Variants in NFIB observed in about 807,000 individuals in gnomAD.
The protein encoded by NFIB is nuclear factor I B, also known as nuclear factor 1 B-type.
NFIB carries 11 observed loss-of-function variants against 61.5 expected under a neutral mutation model. The observed-to-expected ratio is 0.18, with a 90% CI of 0.11 to 0.30. The LOEUF (loss-of-function observed/expected upper bound fraction) is 0.30, where lower values mean the gene tolerates loss of function less well. Among genes scored for constraint, NFIB ranks in the 10% least tolerant of loss-of-function variants. The probability of loss-of-function intolerance (pLI) is 1.00; values close to 1 mark genes in which losing one functional copy is unlikely to be tolerated. For missense variants in NFIB, 471 were observed against 608.9 expected (o/e 0.77, Z 2.38); for synonymous variants, 260 against 216.5 (o/e 1.20, Z -1.76).
the NFIB span, among the ~76,000 whole-genome samples, chr9:14,491,318 T>C: frequency 6.6e-6 from 1 of 151,996 alleles, no homozygotes; most frequent in East Asian, 1.9e-4. Context: ...AGAAACAGAT[T>C]TGAACTAGAT....
the NFIB span, among the ~76,000 whole-genome samples, chr9:14,464,424 G>A: frequency 5.3e-5 from 8 of 152,106 alleles, no homozygotes; most frequent in African/African-American, 1.7e-4. Context: ...AAACCTAGAC[G>A]GTGCACATTT....
At chr9:14,322,087 A>C in intron 1 of NFIB, 1 of 1,020,108 alleles carries the variant, frequency 9.8e-7, no homozygotes, top group Non-Finnish European at 1.2e-6. Flanking sequence ...AAAAAAAAAA[A>C]AAAAAAAAAA....
At position 14,237,841 on chromosome 9, in the gene NFIB, CAG is replaced by C. The variant is rs1491180769; in HGVS notation, c.563-58063_563-58062del. Among the ~76,000 whole-genome samples the C allele has an allele frequency of 6.6e-3, 171 of 26,026 alleles. 22 individuals are homozygous for C. The highest frequency in any genetic ancestry group is 0.02 in the South Asian group (13 of 646). 17.1% of individuals were successfully genotyped at this position (26,026 alleles called of 152,430 possible). ...AAGCTCCTCACCCTGCTAGGTATAA[CAG>C]TGTGTGTGTGTGTGTGTGTGTGTGT... On this transcript the variant is annotated intron_variant, in intron 2 of 10. Transcript: ENST00000380953.
the NFIB span, among the ~76,000 whole-genome samples, chr9:14,475,262 G>C: frequency 1.3e-5 from 2 of 152,212 alleles, no homozygotes; most frequent in Admixed American, 1.3e-4. Flanking sequence ...GGGAGTGGTA[G>C]AGCTCAGATT....
chr9:14,278,472 T>C (rs773330698), intron 2 of NFIB, among the ~76,000 whole-genome samples: 6 of 152,038 alleles, frequency 3.9e-5, no homozygotes, highest in Non-Finnish European at 8.8e-5. Context: ...GTCTGAAACA[T>C]GTGGAAATCA....
intron 1 of NFIB, among the ~76,000 whole-genome samples, chr9:14,376,013 C>T (rs531880697): frequency 6.6e-6 from 1 of 152,312 alleles, no homozygotes; most frequent in East Asian, 1.9e-4. Context: ...TACTTTCACA[C>T]ATCACTGATT....
intron 2 of NFIB, among the ~76,000 whole-genome samples, chr9:14,198,546 G>C (rs1019908151): frequency 3.3e-5 from 5 of 152,078 alleles, no homozygotes; most frequent in African/African-American, 1.2e-4. Flanking sequence ...AATGCTACTT[G>C]CCTTATTGTC....
At chr9:14,141,179 A>G (rs2041659988) in intron 6 of NFIB, among the ~76,000 whole-genome samples, 1 of 152,234 alleles carries the variant, frequency 6.6e-6, no homozygotes, top group Admixed American at 6.5e-5. Flanking sequence ...TATTTTCAAA[A>G]TTATCAAAAA....
At chr9:14,329,575 C>CGCAACCTCGGCTCACT (rs2060796277) in intron 1 of NFIB, among the ~76,000 whole-genome samples, 1 of 151,882 alleles carries the variant, frequency 6.6e-6, no homozygotes, top group Non-Finnish European at 1.5e-5. Context: ...AGTGCAGTGG[C>CGCAACCTCGGCTCACT]GCAACCTCGG....
intron 3 of NFIB, among the ~76,000 whole-genome samples, chr9:14,166,081 T>C (rs979125793): frequency 6.6e-6 from 1 of 152,232 alleles, no homozygotes; most frequent in African/African-American, 2.4e-5. Context: ...TGTTTACATA[T>C]ATTCAAGAAC....
intron 2 of NFIB, among the ~76,000 whole-genome samples, chr9:14,249,691 G>C (rs1304941789): frequency 5.3e-5 from 8 of 151,980 alleles, no homozygotes; most frequent in Admixed American, 3.9e-4. Context: ...GGAGGGAGGG[G>C]AGAAGAAGAG....
chr9:14,243,047 G>A (rs886838528), intron 2 of NFIB, among the ~76,000 whole-genome samples: 3 of 152,056 alleles, frequency 2.0e-5, no homozygotes, highest in Admixed American at 6.6e-5. Flanking sequence ...ACAGTATGTC[G>A]GTAAGGAAAC....
intron 3 of NFIB, among the ~76,000 whole-genome samples, chr9:14,159,360 G>C (rs1487021258): frequency 6.6e-6 from 1 of 152,182 alleles, no homozygotes; most frequent in Non-Finnish European, 1.5e-5. Context: ...GAACTTCTTT[G>C]GAACCTACTG....
chr9:14,206,713 A>C (rs944275636), intron 2 of NFIB, among the ~76,000 whole-genome samples: 6 of 143,556 alleles, frequency 4.2e-5, no homozygotes, highest in Non-Finnish European at 7.6e-5. Flanking sequence ...AAAAAAAAAA[A>C]AAAAAAAACC....
At chr9:14,465,564 T>A in the NFIB span, among the ~76,000 whole-genome samples, 1 of 128,958 alleles carries the variant, frequency 7.8e-6, no homozygotes, top group Non-Finnish European at 1.6e-5. Context: ...ATGAATGAAA[T>A]GACTTGTTAC....
At chr9:14,474,677 A>G in the NFIB span, among the ~76,000 whole-genome samples, 3 of 152,192 alleles carry the variant, frequency 2.0e-5, no homozygotes, top group African/African-American at 7.2e-5. Context: ...GTTAAACAAA[A>G]CGAGTTATGC....
chr9:14,370,760 C>A (rs937389037), intron 1 of NFIB, among the ~76,000 whole-genome samples: 1 of 152,196 alleles, frequency 6.6e-6, no homozygotes, highest in Non-Finnish European at 1.5e-5. Flanking sequence ...GCTTTTTTGA[C>A]CCCTGCTCTT....
intron 2 of NFIB, among the ~76,000 whole-genome samples, chr9:14,272,105 G>C (rs1022746593): frequency 6.6e-6 from 1 of 152,118 alleles, no homozygotes; most frequent in African/African-American, 2.4e-5. Context: ...CTCGTGATCA[G>C]TAACATTTTG....
chr9:14,144,966 TC>T (rs1278584549), intron 6 of NFIB, among the ~76,000 whole-genome samples: 1 of 152,130 alleles, frequency 6.6e-6, no homozygotes, highest in Non-Finnish European at 1.5e-5. Context: ...ATGAAAAGAT[TC>T]CCATTTTTTC....
Sources: gnomAD v4.1 joint callset for allele counts (sites outside exome capture counted in the v4.1 genomes callset) on GRCh38, gnomAD v4.1.1 for gene constraint, MANE v1.5 for transcripts, NCBI Gene and HGNC (gene_info 2026-07-23, HGNC 2026-07-21) for gene names.